The following ZSWIM8 variants were observed in gnomAD, a reference collection of about 807,000 sequenced individuals.
ZSWIM8 encodes zinc finger SWIM-type containing 8.
Under a neutral mutation model 173.7 loss-of-function variants are expected in ZSWIM8, and 27 were observed. The ratio of observed to expected loss-of-function variants is 0.16; its 90% confidence interval spans 0.11 to 0.21. The LOEUF (loss-of-function observed/expected upper bound fraction) is 0.21. Among genes scored for constraint, ZSWIM8 ranks in the 10% least tolerant of loss-of-function variants. The probability of loss-of-function intolerance (pLI) is 1.00; values close to 1 mark genes in which losing one functional copy is unlikely to be tolerated. For synonymous variants in ZSWIM8, 958 were observed against 962.0 expected, an observed-to-expected ratio of 1.00 and a Z score of 0.08; for missense variants, 1,627 against 2,428.8, an observed-to-expected ratio of 0.67 and a Z score of 6.94.
rs763002997 is a variant in ZSWIM8, at chr10:73,791,058, G to A, written c.1025G>A (p.Arg342His). The stretch of plus-strand genomic sequence containing the variant: ...TGTCTGCTGCGCCCTCTGAGGGGCC[G>A]TGAGCCAGAGGGCGTCTGGAACCTG... ...WACLLRPLRG[R>H]EPEGVWNLLS... is the part of the protein sequence containing the mutation. The change falls in exon 8 of 26, where the codon CGT becomes CAT. Residue 342 changes from arginine (R) to histidine (H), a missense_variant. This residue lies in a region of ZSWIM8 where 38 missense variants were observed against 106.1 expected (regional missense o/e 0.36). Transcript: ENST00000604729. The surrounding 1 kb of genome is among the most constrained non-coding windows in gnomAD (Gnocchi z 6.0). 4.0e-5 allele frequency: 64 copies of A among 1,613,802 alleles called. No homozygotes were observed. Among genetic ancestry groups the A allele is most frequent in the Non-Finnish European group, 5.1e-5 (60 of 1,179,902 alleles).
chr10:73,796,307 CCACTG>C (rs1251251646), intron 15 of ZSWIM8: 1 of 384,080 alleles, frequency 2.6e-6, no homozygotes, highest in Non-Finnish European at 5.0e-6. Context: ...TATAATCATA[CCACTG>C]CACTCCAGCC....
Position 73,800,788 on chromosome 10 carries a change from C to A in ZSWIM8, c.5122+29C>A. On this transcript the variant is annotated intron_variant, in intron 24 of 25. Coordinates refer to ENST00000604729, the MANE Select transcript of ZSWIM8 (RefSeq NM_001367799.1). The surrounding 1 kb of genome is among the most constrained non-coding windows in gnomAD (Gnocchi z 4.1). ...ACACCTCCCCTCCCTAGGACCATTG[C>A]CCCCCCCCCACCTGCTCTCCCCACC... 2.8e-6 allele frequency: 3 copies of A among 1,076,492 alleles called. No individual in the cohort carries two copies. The highest frequency in any genetic ancestry group is 3.9e-6 in the Non-Finnish European group (3 of 769,264). 66.7% of individuals were successfully genotyped at this position (1,076,492 alleles called of 1,614,324 possible).
rs1233774186 is a variant in ZSWIM8 at position 73,791,353 on chromosome 10, C to T, written c.1173C>T (p.Thr391=). 2 of 1,612,700 alleles carry T rather than the reference C, an allele frequency of 1.2e-6. No homozygotes were observed. The highest frequency in any genetic ancestry group is 1.7e-6 in the Non-Finnish European group (2 of 1,178,974). ...QITGWWYSVR[T]SASHSSASGH... The stretch of plus-strand genomic sequence containing the variant: ...CAGGTTGGTGGTATAGCGTACGTAC[C>T]TCAGCCTCACACAGCAGTGCCAGTG... The change falls in exon 9 of 26, where the codon ACC becomes ACT. Residue 391 remains threonine, a synonymous_variant. Coordinates refer to ENST00000604729, the MANE Select transcript of ZSWIM8 (RefSeq NM_001367799.1). This position sits in a 1 kb window ranked among gnomAD's most constrained non-coding sequence, Gnocchi z 6.0.
At position 73,797,678 on chromosome 10, in the gene ZSWIM8, C is replaced by T; in HGVS notation, c.3662+73C>T. The T allele has an allele frequency of 1.3e-6, 2 of 1,570,692 alleles. No individual in the cohort carries two copies. Among genetic ancestry groups the T allele is most frequent in the Non-Finnish European group, 1.7e-6 (2 of 1,153,338 alleles). On this transcript the variant is annotated intron_variant, in intron 18 of 25. Transcript: ENST00000604729. This position sits in a 1 kb window ranked among gnomAD's most constrained non-coding sequence, Gnocchi z 5.6. Reference sequence around the variant, plus strand: ...AGCCACACCCCTAGTGCAATCCAACCATTGTCTCCCAGCATCCTCACTTTC... The same window carrying T: ...AGCCACACCCCTAGTGCAATCCAACTATTGTCTCCCAGCATCCTCACTTTC...
In ZSWIM8 at chr10:73,800,583, G is replaced by T; in HGVS notation, c.5003-57G>T. 1 of 1,605,626 alleles carries T rather than the reference G, an allele frequency of 6.2e-7. No homozygotes were observed. The highest frequency in any genetic ancestry group is 8.5e-7 in the Non-Finnish European group (1 of 1,174,766). On this transcript the variant is annotated intron_variant, in intron 23 of 25. Transcript: ENST00000604729. This position sits in a 1 kb window ranked among gnomAD's most constrained non-coding sequence, Gnocchi z 4.1. ...TACTGTGGGGTCAGGTGACAGGTTG[G>T]GGTAAAGGGTGAAGAGGATACACCG...
rs766702127 is a variant in ZSWIM8 at position 73,800,248 on chromosome 10, GTC to G, written c.4826-42_4826-41del. On this transcript the variant is annotated intron_variant, in intron 22 of 25. Transcript: ENST00000604729. The surrounding 1 kb of genome is among the most constrained non-coding windows in gnomAD (Gnocchi z 4.1). ...GGGAGGTGGGGAGGGAATGTTCTTT[GTC>G]TCTCTTTGGGCTCTGAGTTCCTCAC... The G allele has an allele frequency of 6.2e-7, 1 of 1,611,396 alleles. No individual in the cohort carries two copies. Among genetic ancestry groups the G allele is most frequent in the African/African-American group, 1.3e-5 (1 of 74,952 alleles).
At chr10:73,799,606 G>C in intron 21 of ZSWIM8, 116 bp downstream of exon 21, 1 of 1,429,938 alleles carries the variant, frequency 7.0e-7, no homozygotes, top group Non-Finnish European at 9.6e-7. Flanking sequence ...TGGTGAGGTG[G>C]TGGGAGTCTG....
chr10:73,798,351 T>C lies in ZSWIM8; in HGVS notation c.4074T>C (p.Asn1358=). 1.2e-6 allele frequency: 2 copies of C among 1,613,992 alleles called. No homozygotes were observed. The highest frequency in any genetic ancestry group is 2.2e-5 in the East Asian group (1 of 44,878). ...GGGCATCACGGGCAAGAGACTCCAA[T>C]ATGGTGAGGGCGGCAGCAGAGCTGG... ...ADRASRARDS[N]MVRAAAELAL... The change falls in exon 20 of 26, where the codon AAT becomes AAC. Residue 1358 remains asparagine (N), a synonymous_variant. Transcript: ENST00000604729.
chr10:73,791,925 C>A lies in ZSWIM8; in HGVS notation c.1386C>A (p.Gly462=). Residue 462 remains glycine, a synonymous_variant, in exon 10 of 26, where the codon GGC becomes GGA. Coordinates refer to ENST00000604729, the MANE Select transcript of ZSWIM8 (RefSeq NM_001367799.1). This position sits in a 1 kb window ranked among gnomAD's most constrained non-coding sequence, Gnocchi z 6.0. ...AGGTGATTGAGAACGTCAAGCGGGG[C>A]CAACACAAGAAGACGCTGGAGCGGC... is the stretch of plus-strand genomic sequence containing the variant. ...QLKVIENVKR[G]QHKKTLERLF... is the part of the protein sequence containing the mutation. 6.4e-7 allele frequency: 1 copy of A among 1,552,138 alleles called. No individual in the cohort carries two copies. The highest frequency in any genetic ancestry group is 8.7e-7 in the Non-Finnish European group (1 of 1,147,346).
chr10:73,788,178 G>A (rs1050194561), intron 1 of ZSWIM8, among the ~76,000 whole-genome samples: 3 of 151,664 alleles, frequency 2.0e-5, no homozygotes, highest in Non-Finnish European at 4.4e-5. Flanking sequence ...TCCCTTCCGG[G>A]CTCTGGTCTA....
At chr10:73,788,852 C>T (rs778960802) in intron 2 of ZSWIM8, 29 bp downstream of exon 2, 52 of 1,611,162 alleles carry the variant, frequency 3.2e-5, no homozygotes, top group Non-Finnish European at 4.1e-5. Context: ...TGGTGGGGAG[C>T]GGGGTCCTGA....
intron 11 of ZSWIM8, 55 bp downstream of exon 11, chr10:73,793,774 C>T (rs2083510106): frequency 6.4e-7 from 1 of 1,558,224 alleles, no homozygotes; most frequent in African/African-American, 1.4e-5. Flanking sequence ...CAACCTGCTC[C>T]CATGCCCCAC....
At chr10:73,788,947 T>C in intron 2 of ZSWIM8, 124 bp downstream of exon 2, 1 of 1,435,992 alleles carries the variant, frequency 7.0e-7, no homozygotes, top group Non-Finnish European at 9.5e-7. Flanking sequence ...AAGGGAGGGA[T>C]TGCCTGGGAT....
intron 21 of ZSWIM8, 83 bp downstream of exon 21, chr10:73,799,573 A>G (rs760789887): frequency 3.9e-6 from 6 of 1,540,224 alleles, no homozygotes; most frequent in Non-Finnish European, 4.4e-6. Context: ...CTCTGGGAGT[A>G]TAATTGGTCA....
intron 10 of ZSWIM8, among the ~76,000 whole-genome samples, chr10:73,793,124 G>A (rs1451598866): frequency 6.6e-6 from 1 of 152,172 alleles, no homozygotes. Flanking sequence ...ACCTGTGAGG[G>A]TCCACTTGAT....
Position 73,792,580 on chromosome 10 carries a change from C to T in ZSWIM8, c.2041C>T (p.Pro681Ser). The T allele has an allele frequency of 1.2e-6, 2 of 1,614,038 alleles. No individual in the cohort carries two copies. Among genetic ancestry groups the T allele is most frequent in the Non-Finnish European group, 1.7e-6 (2 of 1,179,876 alleles). ...TGTGTACTTCTCGGAAGGGCCTGAG[C>T]CTCCCACAGCCTCTGTTGGCCCCCC... ...GGVYFSEGPEPPTASVGPPGL... is the reference protein window; with the variant it reads ...GGVYFSEGPESPTASVGPPGL... Residue 681 changes from proline (P) to serine (S), a missense_variant, in exon 10 of 26, where the codon CCT (proline) becomes TCT (serine). Transcript: ENST00000604729. This position sits in a 1 kb window ranked among gnomAD's most constrained non-coding sequence, Gnocchi z 4.3.
At position 73,792,204 on chromosome 10, in the gene ZSWIM8, G is replaced by A; in HGVS notation, c.1665G>A (p.Gly555=). The stretch of plus-strand genomic sequence containing the variant: ...CCAAGCGAAAGGGCTTGGGTGAGGG[G>A]GTCCCCTCATCACAGCGGGGTCCCC... ...PGTKRKGLGE[G]VPSSQRGPRR... The change falls in exon 10 of 26, where the codon GGG becomes GGA. Residue 555 remains glycine, a synonymous_variant. Coordinates refer to ENST00000604729, the MANE Select transcript of ZSWIM8 (RefSeq NM_001367799.1). This position sits in a 1 kb window ranked among gnomAD's most constrained non-coding sequence, Gnocchi z 4.3. The A allele has an allele frequency of 6.5e-7, 1 of 1,538,404 alleles. No individual in the cohort carries two copies. The highest frequency in any genetic ancestry group is 1.3e-5 in the South Asian group (1 of 78,618).
rs755280477 is a variant in ZSWIM8 at position 73,792,599 on chromosome 10, G to C, written c.2060G>C (p.Gly687Ala). The C allele has an allele frequency of 9.3e-6, 15 of 1,613,850 alleles. No homozygotes were observed. Among genetic ancestry groups the C allele is most frequent in the Admixed American group, 3.3e-5 (2 of 60,008 alleles). Residue 687 changes from glycine to alanine, a missense_variant, in exon 10 of 26, where the codon GGC becomes GCC. By Grantham distance (60) the Gly-to-Ala change is moderately conservative. This residue lies in a region of ZSWIM8 where 383 missense variants were observed against 394.8 expected (regional missense o/e 0.97). Transcript: ENST00000604729. The surrounding 1 kb of genome is among the most constrained non-coding windows in gnomAD (Gnocchi z 4.3). ...CCTGAGCCTCCCACAGCCTCTGTTG[G>C]CCCCCCTGGCCTACTGCCTGGGGAT... ...EGPEPPTASV[G>A]PPGLLPGDVC...
chr10:73,791,969 C>T lies in ZSWIM8; in HGVS notation c.1430C>T (p.Pro477Leu). The change falls in exon 10 of 26, where the codon CCA (proline) becomes CTA (leucine). Residue 477 changes from proline (P) to leucine (L), a missense_variant. Around this residue, in one of 18 missense-constraint regions of ZSWIM8, gnomAD observed 103 missense variants for 155.6 expected, o/e 0.66. Transcript: ENST00000604729. The surrounding 1 kb of genome is among the most constrained non-coding windows in gnomAD (Gnocchi z 6.0). ...GAGCGGCTCTTCCCCGGCTTCCGGC[C>T]AGCGGTGGAGGCCTGCTACTTCAAC... ...TLERLFPGFR[P>L]AVEACYFNWE... The T allele has an allele frequency of 6.4e-7, 1 of 1,551,190 alleles. No homozygotes were observed. The highest frequency in any genetic ancestry group is 8.7e-7 in the Non-Finnish European group (1 of 1,146,884).
Sources: gnomAD v4.1 joint callset for allele counts (sites outside exome capture counted in the v4.1 genomes callset) on GRCh38, gnomAD v4.1.1 for gene constraint, gnomAD v4.1.1 regional missense constraint, Gnocchi (gnomAD v3.1) non-coding constraint, MANE v1.5 for transcripts, NCBI Gene and HGNC (gene_info 2026-07-23, HGNC 2026-07-21) for gene names.